Variants in BNC2 observed in about 807,000 individuals in gnomAD.
The protein encoded by BNC2 is basonuclin zinc finger protein 2.
In BNC2, 20 loss-of-function variants were observed where a neutral mutation model predicts 76.3. The observed-to-expected ratio is 0.26, with a 90% CI of 0.18 to 0.38. The LOEUF is 0.38. Among genes scored for constraint, BNC2 ranks in the 10% least tolerant of loss-of-function variants. The pLI, the probability that BNC2 is intolerant of heterozygous loss-of-function variation, is 1.00. For synonymous variants in BNC2, 582 were observed against 514.8 expected (o/e 1.13, Z -1.77); for missense variants, 1,382 against 1,399.8 (o/e 0.99, Z 0.20).
At chr9:16,704,720 G>C (rs1267486692) in intron 3 of BNC2, 1 of 137,548 alleles carries the variant, frequency 7.3e-6, no homozygotes, top group East Asian at 2.2e-4. Context: ...CAGTGAAAAA[G>C]AATGAGGGAG....
intron 1 of BNC2, among the ~76,000 whole-genome samples, 158 bp from the exon 2 acceptor site, chr9:16,738,643 A>G (rs1211722855): frequency 1.3e-5 from 2 of 152,368 alleles, no homozygotes; most frequent in African/African-American, 4.8e-5. Context: ...GATAGTAGCC[A>G]ACAGCTAAAT....
At chr9:16,492,603 C>A (rs2131643815) in intron 5 of BNC2, among the ~76,000 whole-genome samples, 1 of 152,160 alleles carries the variant, frequency 6.6e-6, no homozygotes, top group African/African-American at 2.4e-5. Context: ...GGTGTTCCTG[C>A]TGTGATGTAT....
intron 1 of BNC2, among the ~76,000 whole-genome samples, chr9:16,741,858 T>C (rs1316881906): frequency 6.9e-6 from 1 of 145,962 alleles, no homozygotes; most frequent in Admixed American, 7.3e-5. Flanking sequence ...CTTGGGAGGC[T>C]GAGGCACGAG....
chr9:16,543,714 G>C (rs1237902516), intron 5 of BNC2, among the ~76,000 whole-genome samples: 3 of 152,210 alleles, frequency 2.0e-5, no homozygotes, highest in African/African-American at 7.2e-5. Flanking sequence ...CGTTCAAATA[G>C]TTAGAGCTTT....
chr9:16,757,391 T>A (rs1471203915), intron 1 of BNC2, among the ~76,000 whole-genome samples: 2 of 152,186 alleles, frequency 1.3e-5, no homozygotes, highest in African/African-American at 2.4e-5. Flanking sequence ...CTGGCTACCA[T>A]CAGTGTCCAG....
At position 16,418,738 on chromosome 9, in the gene BNC2, C is replaced by T; in HGVS notation, c.*251G>A. On this transcript the variant is annotated 3_prime_UTR_variant, in exon 7 of 7. Coordinates refer to ENST00000380672, the MANE Select transcript of BNC2 (RefSeq NM_017637.6). ...TGTTTAAAGGGGTACTCTGTTTTCA[C>T]CCTGAAATCAAAGATCCCACTCCTT... The T allele has an allele frequency of 4.1e-6, 2 of 491,584 alleles. No individual in the cohort carries two copies. The highest frequency in any genetic ancestry group is 7.3e-6 in the Non-Finnish European group (2 of 272,498). 30.5% of individuals were successfully genotyped at this position (491,584 alleles called of 1,614,324 possible).
intron 1 of BNC2, among the ~76,000 whole-genome samples, chr9:16,755,294 T>G (rs551096802): frequency 3.9e-5 from 6 of 152,152 alleles, no homozygotes; most frequent in African/African-American, 1.4e-4. Context: ...CCCAGGGGAC[T>G]GAAGAGAATG....
chr9:16,462,383 T>C (rs932985090), intron 5 of BNC2, among the ~76,000 whole-genome samples: 6 of 152,232 alleles, frequency 3.9e-5, no homozygotes, highest in African/African-American at 1.2e-4. Context: ...AAAGCACCTA[T>C]GCCTATACCT....
At chr9:16,621,383 A>G (rs911907513) in intron 3 of BNC2, among the ~76,000 whole-genome samples, 1 of 152,188 alleles carries the variant, frequency 6.6e-6, no homozygotes, top group African/African-American at 2.4e-5. Flanking sequence ...AAACTGAGAC[A>G]GTATGGCTTC....
rs564030154 is a variant in BNC2, at chr9:16,438,534, G to A, written c.670-1010C>T. On this transcript the variant is annotated intron_variant, in intron 5 of 6. Coordinates refer to ENST00000380672, the MANE Select transcript of BNC2 (RefSeq NM_017637.6). ...AAAATCCTGCAATGTAATGTCAGGCGATCCATTTCAGCATGGATTGAGAGA... is the reference window on the plus strand; with the variant it reads ...AAAATCCTGCAATGTAATGTCAGGCAATCCATTTCAGCATGGATTGAGAGA... Among the ~76,000 whole-genome samples, 16 of 152,242 alleles carry A rather than the reference G, an allele frequency of 1.1e-4. No homozygotes were observed. The East Asian group carries it at 2.1e-3, about 20-fold the overall frequency.
chr9:16,603,485 A>C (rs7032523), intron 3 of BNC2, among the ~76,000 whole-genome samples: 1 of 152,152 alleles, frequency 6.6e-6, no homozygotes, highest in African/African-American at 2.4e-5. Flanking sequence ...AAAGTCACAA[A>C]TTTTTTGTCT....
chr9:16,810,635 T>G (rs73649036), intron 1 of BNC2, among the ~76,000 whole-genome samples: 1 of 152,152 alleles, frequency 6.6e-6, no homozygotes, highest in East Asian at 1.9e-4. Context: ...GAAAATCATT[T>G]TAGTGGCTCT....
chr9:16,705,558 C>T (rs144053419), intron 3 of BNC2, among the ~76,000 whole-genome samples: 2,050 of 152,272 alleles, frequency 0.013, 34 homozygotes, highest in South Asian at 0.063. Context: ...CTTGGGCAGA[C>T]GCCAAAGGTT....
Position 16,416,146 on chromosome 9 carries a change from CATTAA to C in BNC2, c.*2838_*2842del, listed in dbSNP as rs1271248688. ...GAGGGCTATCTGACCTTTTATTTGACATTAAATTAAACAGACTAAACATTGCTGTT... is the reference window on the plus strand; with the variant it reads ...GAGGGCTATCTGACCTTTTATTTGACATTAAACAGACTAAACATTGCTGTT... On this transcript the variant is annotated 3_prime_UTR_variant, in exon 7 of 7. Transcript: ENST00000380672. The C allele has an allele frequency of 1.3e-5, 2 of 152,292 alleles. No homozygotes were observed. The highest frequency in any genetic ancestry group is 1.9e-4 in the East Asian group (1 of 5,184). 9.4% of individuals were successfully genotyped at this position (152,292 alleles called of 1,614,324 possible). A position where few individuals can be genotyped will look rare whatever the true frequency, so the allele number is the denominator to read the frequency against.
intron 6 of BNC2, among the ~76,000 whole-genome samples, chr9:16,425,330 C>T (rs944006348): frequency 6.6e-6 from 1 of 151,410 alleles, no homozygotes; most frequent in African/African-American, 2.4e-5. Flanking sequence ...TTGGGGTCGA[C>T]CATTTATCAG....
intron 1 of BNC2, among the ~76,000 whole-genome samples, chr9:16,815,330 G>C (rs895359666): frequency 2.6e-5 from 4 of 152,192 alleles, no homozygotes; most frequent in African/African-American, 9.7e-5. Flanking sequence ...GAAAAGATTA[G>C]TAGCATGATC....
chr9:16,581,167 T>C (rs1027751977), intron 4 of BNC2, among the ~76,000 whole-genome samples: 1 of 152,156 alleles, frequency 6.6e-6, no homozygotes, highest in Admixed American at 6.5e-5. Context: ...TATTTGAATA[T>C]AGGGTATTTA....
chr9:16,744,161 G>A (rs572794607), intron 1 of BNC2, among the ~76,000 whole-genome samples: 4 of 152,078 alleles, frequency 2.6e-5, no homozygotes, highest in African/African-American at 9.6e-5. Flanking sequence ...AGTAGAGACG[G>A]GTTTTCACCA....
intron 5 of BNC2, among the ~76,000 whole-genome samples, chr9:16,479,562 C>T (rs77257470): frequency 0.078 from 11,926 of 152,116 alleles, 626 homozygotes; most frequent in African/African-American, 0.15. Flanking sequence ...ATGTATCTAC[C>T]ATCTAAATTC....
Sources: allele counts gnomAD v4.1 joint callset (sites outside exome capture counted in the v4.1 genomes callset), GRCh38; gene constraint gnomAD v4.1.1; transcripts MANE v1.5; gene names NCBI Gene and HGNC (gene_info 2026-07-23, HGNC 2026-07-21).